The following SYTL4 variants were observed in gnomAD, a reference collection of about 807,000 sequenced individuals.
SYTL4 encodes the protein synaptotagmin-like protein 4.
SYTL4 carries 16 observed loss-of-function variants against 52.7 expected under a neutral mutation model. That is an observed-to-expected ratio of 0.30 (90% CI 0.21 to 0.46). SYTL4 has a LOEUF of 0.46. Among genes scored for constraint, SYTL4 ranks in the 20% least tolerant of loss-of-function variants. The probability of loss-of-function intolerance (pLI) is 1.00; values close to 1 mark genes in which losing one functional copy is unlikely to be tolerated. For missense variants in SYTL4, 423 were observed against 519.9 expected (o/e 0.81, Z 1.81); for synonymous variants, 160 against 186.6 (o/e 0.86, Z 1.16).
intron 10 of SYTL4, 109 bp from the exon 11 acceptor site, chrX:100,690,274 T>C: frequency 1.8e-6 from 1 of 546,904 alleles, no homozygotes; most frequent in Non-Finnish European, 3.0e-6. Context: ...TTCGCTAAAC[T>C]ATGACAAACT....
intron 2 of SYTL4, among the ~76,000 whole-genome samples, chrX:100,723,829 G>C (rs1156452034): frequency 9.1e-6 from 1 of 109,930 alleles, no homozygotes; most frequent in Non-Finnish European, 1.9e-5. Context: ...TCTGGGAAGT[G>C]AGGAGCGTCT....
At position 100,701,934 on chromosome X, in the gene SYTL4, C is replaced by T; in HGVS notation, c.104G>A (p.Arg35Lys). The T allele has an allele frequency of 2.5e-6, 3 of 1,205,439 alleles. No homozygotes were observed. Among genetic ancestry groups the T allele is most frequent in the Non-Finnish European group, 3.4e-6 (3 of 890,497 alleles). ...DEEVRKADEKRIRRLKNELLE... is the reference protein window; with the variant it reads ...DEEVRKADEKKIRRLKNELLE... ...CGTTTTGGGGAACTCTTACCTAATC[C>T]TTTTCTCATCTGCTTTCCGGACCTC... Residue 35 changes from arginine to lysine, a missense_variant, in exon 5 of 20, where the codon AGG (arginine) becomes AAG (lysine). Coordinates refer to ENST00000372989, the MANE Select transcript of SYTL4 (RefSeq NM_001370165.1).
At position 100,701,204 on chromosome X, in the gene SYTL4, T is replaced by C. The variant is rs2083843262; in HGVS notation, c.436+16A>G. 1 of 1,176,660 alleles carries C rather than the reference T, an allele frequency of 8.5e-7. No individual in the cohort carries two copies. The stretch of plus-strand genomic sequence containing the variant: ...AGGATTCCATACCAAGAACCATCTC[T>C]AGACAGGTCCAGTACCTGCAGGTTT... On this transcript the variant is annotated intron_variant, in intron 7 of 19. Coordinates refer to ENST00000372989, the MANE Select transcript of SYTL4 (RefSeq NM_001370165.1).
chrX:100,716,787 C>A (rs1297693661), intron 2 of SYTL4, among the ~76,000 whole-genome samples: 1 of 110,710 alleles, frequency 9.0e-6, no homozygotes, highest in Non-Finnish European at 1.9e-5. Context: ...AGGGTGATGT[C>A]TCTCCTAGAA....
intron 2 of SYTL4, among the ~76,000 whole-genome samples, chrX:100,709,132 G>A (rs2084015818): frequency 9.0e-6 from 1 of 111,473 alleles, no homozygotes; most frequent in Admixed American, 9.5e-5. Flanking sequence ...GGAAATTGAA[G>A]AGCTGTAATA....
intron 2 of SYTL4, among the ~76,000 whole-genome samples, chrX:100,716,662 T>C (rs2084233552): frequency 9.2e-6 from 1 of 108,593 alleles, no homozygotes; most frequent in Non-Finnish European, 1.9e-5. Context: ...AAAATACCAA[T>C]GGATAACATC....
chrX:100,677,634 A>G (rs1462502620), intron 19 of SYTL4, among the ~76,000 whole-genome samples: 2 of 112,181 alleles, frequency 1.8e-5, no homozygotes, highest in African/African-American at 6.5e-5. Flanking sequence ...AAGAAAACTG[A>G]GAAGGGGTGA....
At chrX:100,697,640 T>C (rs1312891229) in intron 8 of SYTL4, among the ~76,000 whole-genome samples, 2 of 111,300 alleles carry the variant, frequency 1.8e-5, no homozygotes, top group African/African-American at 6.6e-5. Context: ...TTCAATAAAG[T>C]GCAAGAATTC....
chrX:100,696,664 TA>T (rs1316163687), intron 8 of SYTL4, among the ~76,000 whole-genome samples: 1 of 111,434 alleles, frequency 9.0e-6, no homozygotes, highest in Non-Finnish European at 1.9e-5. Context: ...TATCATCCTT[TA>T]AAGAAAAAGA....
chrX:100,698,171 T>G (rs928574698), intron 8 of SYTL4, among the ~76,000 whole-genome samples: 3 of 110,894 alleles, frequency 2.7e-5, no homozygotes, highest in Non-Finnish European at 5.7e-5. Context: ...GGAGCAATCT[T>G]GGCTCAGTGC....
intron 19 of SYTL4, among the ~76,000 whole-genome samples, chrX:100,676,541 G>A (rs751304349): frequency 8.9e-6 from 1 of 111,976 alleles, no homozygotes; most frequent in Admixed American, 9.4e-5. Context: ...CTGGAGTGCA[G>A]TGGCACAATC....
chrX:100,730,350 C>T (rs1425556522), intron 2 of SYTL4, among the ~76,000 whole-genome samples: 1 of 111,003 alleles, frequency 9.0e-6, no homozygotes, highest in African/African-American at 3.3e-5. Flanking sequence ...GCTTGGAAGA[C>T]AATTTTTTAA....
chrX:100,697,209 A>G (rs948652418), intron 8 of SYTL4, among the ~76,000 whole-genome samples: 1 of 112,028 alleles, frequency 8.9e-6, no homozygotes. Context: ...CAGATCTGGG[A>G]CAGGTAAGCC....
intron 14 of SYTL4, 66 bp from the exon 15 acceptor site, chrX:100,686,847 C>T (rs929316329): frequency 1.0e-6 from 1 of 962,631 alleles, no homozygotes. Flanking sequence ...CACTTTCCTC[C>T]TCTCCATATA....
Position 100,707,063 on chromosome X carries a change from T to C in SYTL4, c.-239-2177A>G, listed in dbSNP as rs749365975. Among the ~76,000 whole-genome samples the C allele has an allele frequency of 8.1e-4, 90 of 111,367 alleles. 1 individual carries two copies. Among genetic ancestry groups the C allele is most frequent in the African/African-American group, 2.8e-3 (87 of 30,734 alleles). On this transcript the variant is annotated intron_variant, in intron 2 of 19. Transcript: ENST00000372989. ...ATGAATGGTACAAGCAGATACAAAC[T>C]AGTAAATATATAGACAAGTTGAACA...
intron 16 of SYTL4, among the ~76,000 whole-genome samples, chrX:100,683,799 G>A (rs2083426484): frequency 8.9e-6 from 1 of 111,845 alleles, no homozygotes; most frequent in Non-Finnish European, 1.9e-5. Flanking sequence ...TTAAAAATTG[G>A]AGTTTAGCAT....
chrX:100,712,556 T>C (rs926250636), intron 2 of SYTL4, among the ~76,000 whole-genome samples: 1 of 112,285 alleles, frequency 8.9e-6, no homozygotes, highest in Admixed American at 9.4e-5. Flanking sequence ...AAAAACTAGA[T>C]ATCCATATGA....
intron 2 of SYTL4, among the ~76,000 whole-genome samples, chrX:100,707,215 T>C (rs756047023): frequency 8.9e-6 from 1 of 112,288 alleles, no homozygotes; most frequent in Admixed American, 9.4e-5. Context: ...GTAATGCAAG[T>C]CTGCATAATT....
At chrX:100,703,267 G>A (rs748798389) in intron 3 of SYTL4, 82 bp from the exon 4 acceptor site, 3 of 111,401 alleles carry the variant, frequency 2.7e-5, no homozygotes, top group African/African-American at 9.8e-5. Flanking sequence ...TGAAGTGGGA[G>A]GATTGTTTGA....
Sources: gnomAD v4.1 joint callset for allele counts (sites outside exome capture counted in the v4.1 genomes callset) on GRCh38, gnomAD v4.1.1 for gene constraint, MANE v1.5 for transcripts, NCBI Gene and HGNC (gene_info 2026-07-23, HGNC 2026-07-21) for gene names.